The following ITGA9 variants were observed in gnomAD, a reference collection of about 807,000 sequenced individuals.
The protein encoded by ITGA9 is integrin subunit alpha 9, also known as integrin alpha-9.
A neutral mutation model predicts 127.8 loss-of-function variants in ITGA9; 56 were observed. That is an observed-to-expected ratio of 0.44 (90% CI 0.35 to 0.55). ITGA9 has a LOEUF of 0.55. Among genes scored for constraint, ITGA9 ranks in the 20% least tolerant of loss-of-function variants. ITGA9 has a pLI of 0.00. For missense variants in ITGA9, 1,196 were observed against 1,347.1 expected (o/e 0.89, Z 1.76); for synonymous variants, 508 against 514.5 (o/e 0.99, Z 0.17).
intron 24 of ITGA9, among the ~76,000 whole-genome samples, chr3:37,778,025 A>T (rs571557996): frequency 6.6e-6 from 1 of 152,376 alleles, no homozygotes; most frequent in East Asian, 1.9e-4. Context: ...CAATTGTGGT[A>T]TATCCATACA....
At chr3:37,518,273 T>G (rs1699007836) in intron 10 of ITGA9, among the ~76,000 whole-genome samples, 1 of 152,178 alleles carries the variant, frequency 6.6e-6, no homozygotes, top group South Asian at 2.1e-4. Flanking sequence ...AGAGCAACCA[T>G]GTCACCAGGG....
At chr3:37,694,969 CAGGT>C (rs1391076325) in intron 18 of ITGA9, among the ~76,000 whole-genome samples, 2 of 152,120 alleles carry the variant, frequency 1.3e-5, no homozygotes, top group African/African-American at 2.4e-5. Flanking sequence ...CGGGGGAAGA[CAGGT>C]AGGGAGTGGA....
At chr3:37,515,292 A>T (rs155520) in intron 9 of ITGA9, among the ~76,000 whole-genome samples, 69,426 of 152,136 alleles carry the variant, frequency 0.46, 16,360 homozygotes, top group East Asian at 0.76. Flanking sequence ...TTTCATATTT[A>T]AAAAAATCGA....
At chr3:37,751,074 C>T (rs901582835) in intron 23 of ITGA9, among the ~76,000 whole-genome samples, 4 of 152,250 alleles carry the variant, frequency 2.6e-5, no homozygotes, top group East Asian at 1.9e-4. Context: ...GAAGAGGACA[C>T]AGCCCACAGG....
At chr3:37,786,471 G>A (rs7625632) in intron 26 of ITGA9, among the ~76,000 whole-genome samples, 56,065 of 151,972 alleles carry the variant, frequency 0.37, 10,533 homozygotes, top group East Asian at 0.46. Flanking sequence ...GTAGGCTCTT[G>A]TAATCCCAGC....
chr3:37,685,885 C>A (rs898684716), intron 18 of ITGA9, among the ~76,000 whole-genome samples: 1 of 152,226 alleles, frequency 6.6e-6, no homozygotes, highest in African/African-American at 2.4e-5. Context: ...TATAAACTCA[C>A]TAGCCTCCTG....
At chr3:37,808,805 C>T (rs1697330911) in intron 27 of ITGA9, 1 of 152,192 alleles carries the variant, frequency 6.6e-6, no homozygotes, top group South Asian at 2.1e-4. Flanking sequence ...AGTCCTTCTT[C>T]CTCTCCATGT....
intron 23 of ITGA9, among the ~76,000 whole-genome samples, chr3:37,772,235 A>G (rs1407947169): frequency 6.6e-6 from 1 of 152,042 alleles, no homozygotes; most frequent in African/African-American, 2.4e-5. Context: ...GTGAAACCCC[A>G]TCTCTACTAA....
chr3:37,707,062 G>A (rs979351740), intron 18 of ITGA9, among the ~76,000 whole-genome samples: 2 of 152,056 alleles, frequency 1.3e-5, no homozygotes, highest in African/African-American at 4.8e-5. Context: ...AAAAAGTTAG[G>A]ACATTTAACC....
intron 15 of ITGA9, among the ~76,000 whole-genome samples, chr3:37,565,500 A>T (rs1699537243): frequency 6.6e-6 from 1 of 152,212 alleles, no homozygotes; most frequent in African/African-American, 2.4e-5. Flanking sequence ...GTGATTGTAG[A>T]GTGGTTCTTA....
intron 15 of ITGA9, among the ~76,000 whole-genome samples, chr3:37,581,456 G>C (rs558381674): frequency 6.6e-6 from 1 of 152,318 alleles, no homozygotes; most frequent in South Asian, 2.1e-4. Context: ...CAAGATGTTG[G>C]CTGGCTGGCT....
chr3:37,764,817 C>T (rs957689466), intron 23 of ITGA9, among the ~76,000 whole-genome samples: 1 of 152,216 alleles, frequency 6.6e-6, no homozygotes, highest in Non-Finnish European at 1.5e-5. Context: ...GAACACTGTT[C>T]CCTCCAATCT....
rs1327110148 is a variant in ITGA9, at chr3:37,517,548, C to T, written c.1080C>T (p.Tyr360=). 2 of 1,600,130 alleles carry T rather than the reference C, an allele frequency of 1.2e-6. No individual in the cohort carries two copies. The highest frequency in any genetic ancestry group is 1.7e-6 in the Non-Finnish European group (2 of 1,173,318). ...EQLALTGDGA[Y]NAHFGESIAS... is the part of the protein sequence containing the mutation. Reference sequence around the variant, plus strand: ...TGGCTCTGACTGGGGATGGTGCCTACAATGCGCACTTTGGAGAGAGCATTG... The same window carrying T: ...TGGCTCTGACTGGGGATGGTGCCTATAATGCGCACTTTGGAGAGAGCATTG... Residue 360 remains tyrosine, a synonymous_variant, in exon 10 of 28, where the codon TAC becomes TAT. Transcript: ENST00000264741.
At chr3:37,562,472 C>T (rs1007606959) in intron 15 of ITGA9, among the ~76,000 whole-genome samples, 5 of 152,284 alleles carry the variant, frequency 3.3e-5, no homozygotes, top group East Asian at 3.9e-4. Context: ...GCCCCCTCCC[C>T]GCTGCCCCGA....
In ITGA9 at chr3:37,665,482, CTT is replaced by C. The variant is rs535545861; in HGVS notation, c.1916+11694_1916+11695del. 4.0e-4 allele frequency among the ~76,000 whole-genome samples: 60 copies of C among 151,604 alleles called. No individual in the cohort carries two copies. In the Middle Eastern group the frequency reaches 0.02, roughly 52 times the overall value. On this transcript the variant is annotated intron_variant, in intron 17 of 27. Coordinates refer to ENST00000264741, the MANE Select transcript of ITGA9 (RefSeq NM_002207.3). ...TCTTTTTTTTTCCGAAAAAGTCTCA[CTT>C]TGTTGCCCAGGCTGGAGTACAGTGG...
At chr3:37,537,495 C>G (rs985026280) in intron 14 of ITGA9, among the ~76,000 whole-genome samples, 1 of 152,222 alleles carries the variant, frequency 6.6e-6, no homozygotes, top group Non-Finnish European at 1.5e-5. Flanking sequence ...GCTTCATAAA[C>G]CAGCACAGCA....
At chr3:37,669,009 G>C (rs1700611584) in intron 17 of ITGA9, among the ~76,000 whole-genome samples, 4 of 152,162 alleles carry the variant, frequency 2.6e-5, no homozygotes, top group Admixed American at 6.5e-5. Context: ...GTGAGACTTG[G>C]GTTTAACGTG....
chr3:37,620,702 C>T (rs910480920), intron 15 of ITGA9, among the ~76,000 whole-genome samples: 2 of 152,110 alleles, frequency 1.3e-5, no homozygotes, highest in African/African-American at 2.4e-5. Context: ...TTTATTAGAC[C>T]TCCATAGTAT....
Position 37,523,505 on chromosome 3 carries a change from C to T in ITGA9, c.1237-16C>T. 1 of 1,602,178 alleles carries T rather than the reference C, an allele frequency of 6.2e-7. No homozygotes were observed. The highest frequency in any genetic ancestry group is 8.6e-7 in the Non-Finnish European group (1 of 1,169,296). On this transcript the variant is annotated splice_polypyrimidine_tract_variant and intron_variant, in intron 11 of 27. Transcript: ENST00000264741. Reference sequence around the variant, plus strand: ...GGTCTTTTCCTGTGACTCCATTTCCCTATTATCTGTTTCAGAAACTGTCTG... The same window carrying T: ...GGTCTTTTCCTGTGACTCCATTTCCTTATTATCTGTTTCAGAAACTGTCTG...
Sources: gnomAD v4.1 joint callset for allele counts (sites outside exome capture counted in the v4.1 genomes callset) on GRCh38, gnomAD v4.1.1 for gene constraint, MANE v1.5 for transcripts, NCBI Gene and HGNC (gene_info 2026-07-23, HGNC 2026-07-21) for gene names.